Variants in TBC1D22A observed in about 807,000 individuals in gnomAD.
The protein encoded by TBC1D22A is TBC1 domain family member 22A.
A neutral mutation model predicts 60.2 loss-of-function variants in TBC1D22A; 38 were observed. The observed-to-expected ratio is 0.63, with a 90% CI of 0.49 to 0.83. TBC1D22A has a LOEUF of 0.83. Ranked by LOEUF, TBC1D22A falls within the 40% of genes least tolerant of loss-of-function variation. The pLI, the probability that TBC1D22A is intolerant of heterozygous loss-of-function variation, is 0.00. For missense variants in TBC1D22A, 628 were observed against 701.0 expected, an observed-to-expected ratio of 0.90 and a Z score of 1.18; for synonymous variants, 302 against 281.7, an observed-to-expected ratio of 1.07 and a Z score of -0.72.
intron 12 of TBC1D22A, among the ~76,000 whole-genome samples, chr22:47,144,968 C>T (rs113142454): frequency 1.1e-3 from 162 of 152,356 alleles, no homozygotes; most frequent in Admixed American, 2.1e-3. Flanking sequence ...CGTTTGGTGC[C>T]GCTGGACCAG....
intron 11 of TBC1D22A, among the ~76,000 whole-genome samples, chr22:47,093,843 C>T: frequency 6.6e-6 from 1 of 152,204 alleles, no homozygotes; most frequent in Non-Finnish European, 1.5e-5. Flanking sequence ...GTTACAGAAA[C>T]ACCAGGGGTT....
rs1395682179 is a variant in TBC1D22A, at chr22:47,009,805, T to C, written c.1201+12096T>C. ...GTGGGGCTGAGTGTTGGAAGTTTAG[T>C]CTGAAGGCCTCTGCTTCTCCCACGT... On this transcript the variant is annotated intron_variant, in intron 10 of 12. Coordinates refer to ENST00000337137, the MANE Select transcript of TBC1D22A (RefSeq NM_014346.5). The surrounding 1 kb of genome is among the most constrained non-coding windows in gnomAD (Gnocchi z 5.8). Among the ~76,000 whole-genome samples the C allele has an allele frequency of 1.3e-5, 2 of 152,198 alleles. No homozygotes were observed. Among genetic ancestry groups the C allele is most frequent in the Non-Finnish European group, 2.9e-5 (2 of 68,040 alleles).
chr22:46,989,759 T>TCA (rs35714390), intron 9 of TBC1D22A, among the ~76,000 whole-genome samples: 8,365 of 146,038 alleles, frequency 0.057, 249 homozygotes, highest in African/African-American at 0.076. Context: ...TGTGACAGAG[T>TCA]CACACACACA....
At chr22:47,037,772 C>T (rs982226373) in intron 11 of TBC1D22A, among the ~76,000 whole-genome samples, 2 of 152,218 alleles carry the variant, frequency 1.3e-5, no homozygotes, top group Non-Finnish European at 2.9e-5. Flanking sequence ...CAGCCTTGAG[C>T]TCTCTGGGAA....
At chr22:47,144,023 C>A (rs2067203509) in intron 12 of TBC1D22A, among the ~76,000 whole-genome samples, 1 of 152,216 alleles carries the variant, frequency 6.6e-6, no homozygotes, top group Admixed American at 6.5e-5. Context: ...TCCAAAGGCC[C>A]CTCCTCCAGC....
chr22:47,127,329 G>A (rs1439852316), intron 12 of TBC1D22A, among the ~76,000 whole-genome samples: 3 of 149,116 alleles, frequency 2.0e-5, no homozygotes, highest in Non-Finnish European at 4.4e-5. Flanking sequence ...CCGGGTTCAA[G>A]CTATTCTCCT....
chr22:46,973,142 G>T (rs943822239), intron 8 of TBC1D22A, among the ~76,000 whole-genome samples: 4 of 152,224 alleles, frequency 2.6e-5, no homozygotes, highest in African/African-American at 4.8e-5. Context: ...GACTGGGGAA[G>T]CAGCGCGATG....
At chr22:47,151,160 G>T (rs560145036) in intron 12 of TBC1D22A, among the ~76,000 whole-genome samples, 12 of 152,212 alleles carry the variant, frequency 7.9e-5, no homozygotes, top group Admixed American at 7.8e-4. Context: ...ATTCCTGCGA[G>T]CCTGGCTGTG....
At chr22:47,083,101 C>G (rs976976590) in intron 11 of TBC1D22A, among the ~76,000 whole-genome samples, 7 of 152,182 alleles carry the variant, frequency 4.6e-5, no homozygotes, top group Non-Finnish European at 8.8e-5. Flanking sequence ...ACGCTAAGTT[C>G]TAGAACTGAC....
At chr22:46,934,127 G>T (rs1038459738) in intron 8 of TBC1D22A, among the ~76,000 whole-genome samples, 1 of 152,230 alleles carries the variant, frequency 6.6e-6, no homozygotes, top group Non-Finnish European at 1.5e-5. Context: ...TGAGTTTGCA[G>T]ACTTTTTATT....
intron 4 of TBC1D22A, among the ~76,000 whole-genome samples, chr22:46,812,449 T>C (rs987826212): frequency 6.6e-6 from 1 of 152,112 alleles, no homozygotes; most frequent in African/African-American, 2.4e-5. Flanking sequence ...GAGGCTGGCA[T>C]TTGAAGTTTG....
chr22:46,858,466 C>CA (rs904933120), intron 4 of TBC1D22A, among the ~76,000 whole-genome samples: 4 of 152,090 alleles, frequency 2.6e-5, no homozygotes, highest in African/African-American at 9.7e-5. Flanking sequence ...CAAACACCCC[C>CA]CCCAGCTCTG....
At chr22:46,861,124 A>G (rs2087858108) in intron 4 of TBC1D22A, among the ~76,000 whole-genome samples, 1 of 151,836 alleles carries the variant, frequency 6.6e-6, no homozygotes, top group Non-Finnish European at 1.5e-5. Flanking sequence ...CCTGGGGTTA[A>G]TTTTTTATTT....
chr22:46,942,689 G>A (rs1264629457), intron 8 of TBC1D22A, among the ~76,000 whole-genome samples: 1 of 152,188 alleles, frequency 6.6e-6, no homozygotes, highest in Admixed American at 6.5e-5. Context: ...TTCAGGAAGT[G>A]CCTCTTCCTG....
chr22:46,882,386 G>A (rs1483281843), intron 5 of TBC1D22A, among the ~76,000 whole-genome samples: 5 of 152,132 alleles, frequency 3.3e-5, no homozygotes, highest in East Asian at 1.9e-4. Context: ...CTGTTACGTC[G>A]GTTCTTGGGG....
At chr22:47,105,639 G>C (rs1399406670) in intron 11 of TBC1D22A, among the ~76,000 whole-genome samples, 1 of 152,196 alleles carries the variant, frequency 6.6e-6, no homozygotes, top group Non-Finnish European at 1.5e-5. Flanking sequence ...TGGATTGGGG[G>C]AGCCCCCGTT....
chr22:46,848,693 CT>C (rs2087132773), intron 4 of TBC1D22A, among the ~76,000 whole-genome samples: 1 of 152,198 alleles, frequency 6.6e-6, no homozygotes, highest in Non-Finnish European at 1.5e-5. Flanking sequence ...CTGTATATTA[CT>C]TTTTTATGGC....
chr22:47,026,272 A>G (rs1025507281), intron 10 of TBC1D22A, among the ~76,000 whole-genome samples: 2 of 152,242 alleles, frequency 1.3e-5, no homozygotes, highest in Non-Finnish European at 2.9e-5. Flanking sequence ...CATAGCTGAC[A>G]TAATAGGAAA....
Position 46,793,638 on chromosome 22 carries a change from C to T in TBC1D22A, c.257C>T (p.Ala86Val), listed in dbSNP as rs779037012. 1.4e-5 allele frequency: 23 copies of T among 1,613,562 alleles called. No homozygotes were observed. The highest frequency in any genetic ancestry group is 2.2e-5 in the East Asian group (1 of 44,874). ...GACGATGAGCTCCTGGCCATGGCGG[C>T]GGAGAGCCTGAACTCCGAGGTGGTC... ...EDDDELLAMAAESLNSEVVME... is the reference protein window; with the variant it reads ...EDDDELLAMAVESLNSEVVME... Residue 86 changes from alanine to valine, a missense_variant, in exon 3 of 13, where the codon GCG (alanine) becomes GTG (valine). Coordinates refer to ENST00000337137, the MANE Select transcript of TBC1D22A (RefSeq NM_014346.5).
Sources: gnomAD v4.1 joint callset for allele counts (sites outside exome capture counted in the v4.1 genomes callset) on GRCh38, gnomAD v4.1.1 for gene constraint, Gnocchi (gnomAD v3.1) non-coding constraint, MANE v1.5 for transcripts, NCBI Gene and HGNC (gene_info 2026-07-23, HGNC 2026-07-21) for gene names.